Variants in SOHLH1 observed in about 807,000 individuals in gnomAD.
SOHLH1 encodes the protein spermatogenesis and oogenesis specific basic helix-loop-helix 1.
SOHLH1 carries 23 observed loss-of-function variants against 36.2 expected under a neutral mutation model. The ratio of observed to expected loss-of-function variants is 0.64; its 90% CI spans 0.46 to 0.90. The LOEUF (loss-of-function observed/expected upper bound fraction) is 0.90, where lower values mean the gene tolerates loss of function less well. SOHLH1 is among the 40% of genes least tolerant of loss of function. SOHLH1 has a pLI of 0.00. For missense variants in SOHLH1, 608 were observed against 517.0 expected (o/e 1.18, Z -1.71); for synonymous variants, 289 against 228.3 (o/e 1.27, Z -2.40).
rs1834852912 is a variant in SOHLH1 at position 135,697,540 on chromosome 9, G to C, written c.433C>G (p.Pro145Ala). ...CTGGACGCTCCCGTCCCAGGGTCTGGCACACCTGCTTGAATCTGACTCGAC... is the reference window on the plus strand; with the variant it reads ...CTGGACGCTCCCGTCCCAGGGTCTGCCACACCTGCTTGAATCTGACTCGAC... ...TLSSQIQAGV[P>A]DPGTGASSGT... The change falls in exon 4 of 8, where the codon CCA becomes GCA. Residue 145 changes from proline (P) to alanine (A), a missense_variant. Transcript: ENST00000425225. 3 of 1,612,334 alleles carry C rather than the reference G, an allele frequency of 1.9e-6. No individual in the cohort carries two copies. The highest frequency in any genetic ancestry group is 2.2e-5 in the South Asian group (2 of 91,054).
chr9:135,700,939 T>C (rs523140), upstream of SOHLH1, among the ~76,000 whole-genome samples: 141,713 of 152,240 alleles, frequency 0.93, 66,045 homozygotes, highest in East Asian at 0.98. Context: ...ATCAAACCTG[T>C]GACTCTCCTG....
intron 4 of SOHLH1, among the ~76,000 whole-genome samples, chr9:135,697,164 C>T (rs1474963609): frequency 6.6e-6 from 1 of 152,246 alleles, no homozygotes; most frequent in Admixed American, 6.5e-5. Flanking sequence ...CTTCAGAAAA[C>T]TGCATTCCTG....
chr9:135,701,590 A>T (rs899586303), upstream of SOHLH1, among the ~76,000 whole-genome samples: 1 of 151,942 alleles, frequency 6.6e-6, no homozygotes, highest in African/African-American at 2.4e-5. Flanking sequence ...GCCCCTCCCC[A>T]CCCGTCTAAA....
Position 135,695,248 on chromosome 9 carries a change from A to G in SOHLH1, c.677T>C (p.Val226Ala). The G allele has an allele frequency of 6.3e-7, 1 of 1,596,726 alleles. No homozygotes were observed. Among genetic ancestry groups the G allele is most frequent in the Non-Finnish European group, 8.5e-7 (1 of 1,173,644 alleles). The change falls in exon 6 of 8, where the codon GTG becomes GCG. Residue 226 changes from valine (V) to alanine (A), a missense_variant. Val to Ala is a moderately conservative substitution (Grantham distance 64). Transcript: ENST00000425225. ...AAGACTCCGGCCTGGGGGCCACGGC[A>G]CCAGGCTGGAAGGTTCTGGGAGAGA... ...LPPFSEPSSLVPWPPGRSLPK... is the reference protein window; with the variant it reads ...LPPFSEPSSLAPWPPGRSLPK...
chr9:135,699,471 C>G lies in SOHLH1; in HGVS notation c.-4G>C. 3 of 1,611,886 alleles carry G rather than the reference C, an allele frequency of 1.9e-6. No homozygotes were observed. The highest frequency in any genetic ancestry group is 2.5e-6 in the Non-Finnish European group (3 of 1,179,656). ...GCTCGGAGCACCGGGACGCCATGAA[C>G]TCGCAGCTGCGGAGCGACCCCACGC... On this transcript the variant is annotated 5_prime_UTR_variant, in exon 1 of 8. Transcript: ENST00000425225.
At chr9:135,697,104 G>A (rs550245626) in intron 4 of SOHLH1, among the ~76,000 whole-genome samples, 2 of 152,336 alleles carry the variant, frequency 1.3e-5, no homozygotes, top group African/African-American at 4.8e-5. Flanking sequence ...GATGCAGACA[G>A]TCCTTCAACC....
At position 135,696,773 on chromosome 9, in the gene SOHLH1, G is replaced by A; in HGVS notation, c.500C>T (p.Pro167Leu). The change falls in exon 5 of 8, where the codon CCT (proline) becomes CTT (leucine). Residue 167 changes from proline (P) to leucine (L), a missense_variant. Pro to Leu is a moderately conservative substitution (Grantham distance 98). Transcript: ENST00000425225. ...TPDVKAFLES[P>L]WSLDPASASP... is the part of the protein sequence containing the mutation. ...GGCCGACGCTGGATCCAGGGACCAA[G>A]GACTTTCCAGAAACGCCTTCACATC... The A allele has an allele frequency of 2.5e-6, 4 of 1,613,076 alleles. No homozygotes were observed. The highest frequency in any genetic ancestry group is 3.4e-6 in the Non-Finnish European group (4 of 1,179,996).
chr9:135,697,302 C>T (rs371816498), intron 4 of SOHLH1, among the ~76,000 whole-genome samples: 10 of 152,162 alleles, frequency 6.6e-5, no homozygotes, highest in Non-Finnish European at 1.3e-4. Flanking sequence ...TTCTGCTGAC[C>T]GCGCTCCCCC....
intron 5 of SOHLH1, among the ~76,000 whole-genome samples, chr9:135,696,269 G>A (rs568493028): frequency 9.3e-5 from 14 of 150,938 alleles, no homozygotes; most frequent in African/African-American, 3.2e-4. Context: ...GGGACCCAGG[G>A]AGGAGAAGAT....
chr9:135,696,582 A>G, intron 5 of SOHLH1, 30 bp downstream of exon 5: 2 of 1,610,158 alleles, frequency 1.2e-6, no homozygotes, highest in Non-Finnish European at 1.7e-6. Flanking sequence ...CCCAGGCCAA[A>G]GGCACCCCAC....
chr9:135,699,413 T>TA lies in SOHLH1; in HGVS notation c.54_55insT (p.Arg19Ter), dbSNP rs753852289. ...AGCCCAATTCCTCACTTGCATCCCC[T>TA]GACGGTAGGGATTCTGGAGACCTCC... On this transcript the variant is annotated frameshift_variant, in exon 1 of 8. Coordinates refer to ENST00000425225, the MANE Select transcript of SOHLH1 (RefSeq NM_001101677.2). LOFTEE classifies it high-confidence loss of function. 3.1e-6 allele frequency: 5 copies of TA among 1,611,862 alleles called. No homozygotes were observed. The highest frequency in any genetic ancestry group is 3.4e-6 in the Non-Finnish European group (4 of 1,179,664).
intron 5 of SOHLH1, among the ~76,000 whole-genome samples, chr9:135,696,202 G>A (rs1272485631): frequency 6.6e-6 from 1 of 151,816 alleles, no homozygotes; most frequent in African/African-American, 2.4e-5. Context: ...GCAGACCCAG[G>A]GAGTGACCAG....
At chr9:135,698,199 C>G in intron 3 of SOHLH1, 130 bp downstream of exon 3, 7 of 1,298,402 alleles carry the variant, frequency 5.4e-6, no homozygotes, top group Non-Finnish European at 7.7e-6. Context: ...AAAACGTGGC[C>G]TGCTCTAGCC....
In SOHLH1 at chr9:135,693,778, C is replaced by G; in HGVS notation, c.983G>C (p.Trp328Ser). The G allele has an allele frequency of 6.3e-7, 1 of 1,581,050 alleles. No homozygotes were observed. The highest frequency in any genetic ancestry group is 8.6e-7 in the Non-Finnish European group (1 of 1,164,062). ...LEGRGGSGPAWAPAESSPLDV... is the reference protein window; with the variant it reads ...LEGRGGSGPASAPAESSPLDV... The stretch of plus-strand genomic sequence containing the variant: ...CAGTGGACTGCTCTCAGCTGGGGCC[C>G]ATGCAGGGCCACTGCCTCCTCGACC... Residue 328 changes from tryptophan (W) to serine (S), a missense_variant, in exon 8 of 8, where the codon TGG becomes TCG. Coordinates refer to ENST00000425225, the MANE Select transcript of SOHLH1 (RefSeq NM_001101677.2).
chr9:135,696,218 G>A (rs548932304), intron 5 of SOHLH1, among the ~76,000 whole-genome samples: 6 of 151,470 alleles, frequency 4.0e-5, no homozygotes, highest in Admixed American at 1.3e-4. Context: ...ACCAGGATGG[G>A]GCCAAGTCCC....
chr9:135,699,899 G>GCCCAGGCCTGGGGGA (rs139756427), upstream of SOHLH1, among the ~76,000 whole-genome samples: 3,420 of 151,872 alleles, frequency 0.023, 150 homozygotes, highest in East Asian at 0.18. Flanking sequence ...GAGTTGTTTA[G>GCCCAGGCCTGGGGGA]CCCAGGCCTG....
At chr9:135,699,986 T>A (rs992870111), upstream of SOHLH1, among the ~76,000 whole-genome samples, 3 of 151,888 alleles carry the variant, frequency 2.0e-5, no homozygotes, top group Non-Finnish European at 4.4e-5. Context: ...TTCCCCCAAA[T>A]CTAGTACGCT....
chr9:135,697,118 G>A (rs923689012), intron 4 of SOHLH1, among the ~76,000 whole-genome samples: 1 of 152,208 alleles, frequency 6.6e-6, no homozygotes, highest in African/African-American at 2.4e-5. Flanking sequence ...TTCAACCTGG[G>A]GAGCTGCCAT....
intron 4 of SOHLH1, 98 bp downstream of exon 4, chr9:135,697,408 C>CT: frequency 6.5e-7 from 1 of 1,545,720 alleles, no homozygotes; most frequent in Non-Finnish European, 8.7e-7. Context: ...CAAGCCGGGC[C>CT]TCCAGGCCAC....
Sources: gnomAD v4.1 joint callset for allele counts (sites outside exome capture counted in the v4.1 genomes callset) on GRCh38, gnomAD v4.1.1 for gene constraint, MANE v1.5 for transcripts, NCBI Gene and HGNC (gene_info 2026-07-23, HGNC 2026-07-21) for gene names.